The following RBM47 variants were observed in gnomAD, a reference collection of about 807,000 sequenced individuals.
The protein encoded by RBM47 is RNA-binding protein 47.
A neutral mutation model predicts 47.1 loss-of-function variants in RBM47; 21 were observed. That is an observed-to-expected ratio of 0.45 (90% CI 0.32 to 0.64). RBM47 has a LOEUF of 0.64. Ranked by LOEUF, RBM47 falls within the 30% of genes least tolerant of loss-of-function variation. RBM47 has a pLI of 0.05. For missense variants in RBM47, 708 were observed against 870.9 expected (o/e 0.81, Z 2.35); for synonymous variants, 375 against 361.7 (o/e 1.04, Z -0.42).
At chr4:40,569,388 C>A (rs1731451856) in intron 1 of RBM47, among the ~76,000 whole-genome samples, 4 of 151,608 alleles carry the variant, frequency 2.6e-5, no homozygotes, top group Admixed American at 2.0e-4. Flanking sequence ...GGAAACAAAC[C>A]ATGAACTTAG....
intron 1 of RBM47, among the ~76,000 whole-genome samples, chr4:40,603,234 A>C (rs1396513966): frequency 6.6e-6 from 1 of 152,190 alleles, no homozygotes; most frequent in Non-Finnish European, 1.5e-5. Flanking sequence ...AGCTTCTTTC[A>C]CTGAACATGG....
At chr4:40,583,981 TA>T (rs1214415516) in intron 1 of RBM47, among the ~76,000 whole-genome samples, 2 of 152,182 alleles carry the variant, frequency 1.3e-5, no homozygotes, top group Non-Finnish European at 2.9e-5. Context: ...ACTCTGCATT[TA>T]TTTTTTTGAG....
At chr4:40,538,179 G>C (rs1266817410) in intron 2 of RBM47, among the ~76,000 whole-genome samples, 1 of 152,110 alleles carries the variant, frequency 6.6e-6, no homozygotes, top group Non-Finnish European at 1.5e-5. Context: ...CAGGCAGAAG[G>C]AAAGAAAAGG....
At chr4:40,584,093 A>G (rs1733304698) in intron 1 of RBM47, among the ~76,000 whole-genome samples, 1 of 152,046 alleles carries the variant, frequency 6.6e-6, no homozygotes, top group Admixed American at 6.6e-5. Context: ...GCCTCAGAGC[A>G]GCTGAGACTA....
intron 6 of RBM47, chr4:40,426,787 G>A (rs1489482141): frequency 1.3e-5 from 2 of 152,108 alleles, no homozygotes; most frequent in Non-Finnish European, 2.9e-5. Flanking sequence ...CTTTATTCAA[G>A]CCACGGTTGG....
At chr4:40,432,992 A>C in intron 5 of RBM47, 130 bp from the exon 6 acceptor site, 47 of 1,306,402 alleles carry the variant, frequency 3.6e-5, no homozygotes, top group Non-Finnish European at 4.5e-5. Context: ...ACAGGGTCTC[A>C]CTCTGTGGCC....
intron 2 of RBM47, among the ~76,000 whole-genome samples, chr4:40,478,726 G>GATCT (rs2154240613): frequency 6.6e-6 from 1 of 152,290 alleles, no homozygotes; most frequent in South Asian, 2.1e-4. Context: ...AGGCTCAAGT[G>GATCT]ATCTGCCTGC....
intron 3 of RBM47, among the ~76,000 whole-genome samples, chr4:40,464,923 G>GGAA (rs1560389296): frequency 4.3e-5 from 5 of 115,448 alleles, no homozygotes; most frequent in African/African-American, 1.6e-4. Flanking sequence ...AAAAGGAAAA[G>GGAA]AAAATTAAAC....
chr4:40,463,266 G>A (rs1717441179), intron 3 of RBM47, among the ~76,000 whole-genome samples: 1 of 152,182 alleles, frequency 6.6e-6, no homozygotes, highest in African/African-American at 2.4e-5. Context: ...TTAAGGACAT[G>A]AGAAGATGCT....
At chr4:40,458,466 T>C (rs1331418078) in intron 3 of RBM47, among the ~76,000 whole-genome samples, 1 of 152,218 alleles carries the variant, frequency 6.6e-6, no homozygotes, top group Non-Finnish European at 1.5e-5. Context: ...CCAGGAATAC[T>C]CTCAACATTG....
intron 1 of RBM47, among the ~76,000 whole-genome samples, chr4:40,616,320 C>G (rs1219570588): frequency 1.4e-5 from 2 of 148,144 alleles, no homozygotes; most frequent in Non-Finnish European, 3.0e-5. Flanking sequence ...CGCCACTGCA[C>G]TCCAGCCTGG....
At chr4:40,548,894 G>A (rs1729273741) in intron 1 of RBM47, among the ~76,000 whole-genome samples, 2 of 152,096 alleles carry the variant, frequency 1.3e-5, no homozygotes. Context: ...TTAAACTCCT[G>A]AGCTCAAGTG....
chr4:40,528,593 C>CT (rs2154258622), intron 2 of RBM47, among the ~76,000 whole-genome samples: 1 of 151,832 alleles, frequency 6.6e-6, no homozygotes, highest in East Asian at 1.9e-4. Context: ...GGTGAAAACC[C>CT]ATCTCTACTA....
At chr4:40,429,717 A>AAAAAAT (rs1715620328) in intron 6 of RBM47, among the ~76,000 whole-genome samples, 8 of 145,552 alleles carry the variant, frequency 5.5e-5, no homozygotes, top group African/African-American at 2.0e-4. Flanking sequence ...AAAAAAAAAA[A>AAAAAAT]GTGCCTCTAA....
At chr4:40,623,004 T>A (rs1737406031) in intron 1 of RBM47, among the ~76,000 whole-genome samples, 1 of 152,222 alleles carries the variant, frequency 6.6e-6, no homozygotes, top group Non-Finnish European at 1.5e-5. Context: ...CACCCTTCCG[T>A]GACTAGCTCT....
At chr4:40,562,615 G>A (rs7659046) in intron 1 of RBM47, among the ~76,000 whole-genome samples, 39,084 of 151,570 alleles carry the variant, frequency 0.26, 6,420 homozygotes, top group African/African-American at 0.47. Flanking sequence ...ACAGGTGCGC[G>A]CCACCACGCC....
At chr4:40,600,999 A>AAAAAGAAAAG (rs1338188731) in intron 1 of RBM47, among the ~76,000 whole-genome samples, 2 of 147,284 alleles carry the variant, frequency 1.4e-5, no homozygotes, top group African/African-American at 5.3e-5. Flanking sequence ...AAAAAAAAAA[A>AAAAAGAAAAG]AAAGAAAGAA....
At position 40,503,110 on chromosome 4, in the gene RBM47, C is replaced by T. The variant is rs539827859; in HGVS notation, c.-154-36411G>A. 4.6e-5 allele frequency among the ~76,000 whole-genome samples: 7 copies of T among 152,292 alleles called. No individual in the cohort carries two copies. In the East Asian group the frequency reaches 1.3e-3, roughly 29 times the overall value. On this transcript the variant is annotated intron_variant, in intron 2 of 6. Coordinates refer to ENST00000295971, the MANE Select transcript of RBM47 (RefSeq NM_001098634.2). ...ACTAAAGTCTGACATTTCTATCTTC[C>T]CTCCTCCTTCACTTCCTGTCTTTGA... is the stretch of plus-strand genomic sequence containing the variant.
chr4:40,532,302 G>A (rs1459126135), intron 2 of RBM47, among the ~76,000 whole-genome samples: 14 of 134,844 alleles, frequency 1.0e-4, no homozygotes, highest in Non-Finnish European at 1.7e-4. Flanking sequence ...GAGTCACCAC[G>A]CCCGGCATTT....
Sources: gnomAD v4.1 joint callset for allele counts (sites outside exome capture counted in the v4.1 genomes callset) on GRCh38, gnomAD v4.1.1 for gene constraint, MANE v1.5 for transcripts, NCBI Gene and HGNC (gene_info 2026-07-23, HGNC 2026-07-21) for gene names.